Variants in ATOSA observed in about 807,000 individuals in gnomAD.
ATOSA encodes the protein atos homolog protein A.
the ATOSA span, among the ~76,000 whole-genome samples, chr15:52,622,481 A>AGGCAC: frequency 6.6e-6 from 1 of 152,316 alleles, no homozygotes; most frequent in African/African-American, 2.4e-5. Flanking sequence ...ACCAGGTTCC[A>AGGCAC]GGCACTTTCG....
At chr15:52,610,777 G>A in the ATOSA span, among the ~76,000 whole-genome samples, 1 of 152,222 alleles carries the variant, frequency 6.6e-6, no homozygotes, top group Non-Finnish European at 1.5e-5. Context: ...CCAGTTAGCT[G>A]TTTAGCAGCC....
the ATOSA span, chr15:52,678,196 T>A: frequency 1.3e-6 from 1 of 749,324 alleles, no homozygotes; most frequent in Non-Finnish European, 2.2e-6. Flanking sequence ...TACTGTTAAG[T>A]TAGGCCTCTT....
the ATOSA span, among the ~76,000 whole-genome samples, chr15:52,666,040 T>A: frequency 2.0e-5 from 3 of 152,324 alleles, 1 homozygote; most frequent in Admixed American, 2.0e-4. Flanking sequence ...CACCCCGCCC[T>A]GGCACCCAAA....
At chr15:52,708,028 A>T in the ATOSA span, among the ~76,000 whole-genome samples, 4 of 152,152 alleles carry the variant, frequency 2.6e-5, no homozygotes, top group Non-Finnish European at 5.9e-5. Flanking sequence ...AGGCTTGGAG[A>T]TGGTTTTCCG....
the ATOSA span, among the ~76,000 whole-genome samples, chr15:52,614,847 C>CA: frequency 2.7e-3 from 376 of 140,458 alleles, 1 homozygote; most frequent in East Asian, 0.037. Context: ...GACTTTGTCT[C>CA]AAAAAAAAAA....
chr15:52,661,924 G>A, the ATOSA span, among the ~76,000 whole-genome samples: 1 of 81,542 alleles, frequency 1.2e-5, no homozygotes, highest in Non-Finnish European at 2.2e-5. Context: ...AATCTTACAA[G>A]CCAGGCCAAA....
the ATOSA span, chr15:52,609,745 T>A: frequency 6.2e-7 from 1 of 1,613,762 alleles, no homozygotes; most frequent in Non-Finnish European, 8.5e-7. Flanking sequence ...TCCAGAAACA[T>A]GTGAAGTGCT....
chr15:52,634,457 G>T, the ATOSA span, among the ~76,000 whole-genome samples: 5 of 151,774 alleles, frequency 3.3e-5, no homozygotes, highest in African/African-American at 1.2e-4. Flanking sequence ...GTAAATAGCG[G>T]ATTTAAGCCC....
At chr15:52,639,803 T>G in the ATOSA span, among the ~76,000 whole-genome samples, 15 of 152,130 alleles carry the variant, frequency 9.9e-5, no homozygotes, top group African/African-American at 3.6e-4. Flanking sequence ...CAGGCTGGAG[T>G]GCAATGGCAC....
the ATOSA span, among the ~76,000 whole-genome samples, chr15:52,684,352 T>C: frequency 1.3e-5 from 2 of 152,118 alleles, no homozygotes; most frequent in Admixed American, 6.6e-5. Context: ...CCGGGCAACA[T>C]AGGGAGACCA....
chr15:52,603,049 T>C, the ATOSA span, among the ~76,000 whole-genome samples: 1 of 152,188 alleles, frequency 6.6e-6, no homozygotes, highest in African/African-American at 2.4e-5. Context: ...TGACCAGAAG[T>C]CTGTGGTGCT....
At chr15:52,695,848 G>A in the ATOSA span, among the ~76,000 whole-genome samples, 1 of 152,286 alleles carries the variant, frequency 6.6e-6, no homozygotes, top group South Asian at 2.1e-4. Context: ...GCTACCTAGA[G>A]GAAGACTGTT....
chr15:52,611,030 GA>G, the ATOSA span: 6 of 1,325,660 alleles, frequency 4.5e-6, no homozygotes, highest in Non-Finnish European at 6.1e-6. Flanking sequence ...CTTACATTTA[GA>G]ATTGCAGGAA....
At chr15:52,675,322 T>C in the ATOSA span, among the ~76,000 whole-genome samples, 7 of 152,270 alleles carry the variant, frequency 4.6e-5, no homozygotes, top group African/African-American at 1.7e-4. Flanking sequence ...ATGGAGGCTG[T>C]AGGGAGCAGA....
chr15:52,682,583 C>A, the ATOSA span, among the ~76,000 whole-genome samples: 1 of 152,068 alleles, frequency 6.6e-6, no homozygotes, highest in Non-Finnish European at 1.5e-5. Context: ...CTTAAAAGAA[C>A]AACTCTATGA....
At chr15:52,655,315 C>A in the ATOSA span, among the ~76,000 whole-genome samples, 1 of 152,164 alleles carries the variant, frequency 6.6e-6, no homozygotes, top group South Asian at 2.1e-4. Context: ...CATTATACCT[C>A]AAAATTACCA....
At chr15:52,696,663 ATAAT>A in the ATOSA span, among the ~76,000 whole-genome samples, 15 of 152,226 alleles carry the variant, frequency 9.9e-5, no homozygotes, top group Admixed American at 5.9e-4. Flanking sequence ...TTTTCATAGC[ATAAT>A]TAAAGTTGAC....
the ATOSA span, among the ~76,000 whole-genome samples, chr15:52,662,482 G>C: frequency 1.3e-5 from 2 of 152,100 alleles, no homozygotes; most frequent in Non-Finnish European, 2.9e-5. Context: ...TAAAACAACA[G>C]ACATAGGGCC....
chr15:52,583,222 T>C, the ATOSA span, among the ~76,000 whole-genome samples: 1 of 152,208 alleles, frequency 6.6e-6, no homozygotes, highest in African/African-American at 2.4e-5. Flanking sequence ...GTGGAGATTA[T>C]AAAAGCTAAG....
Sources: allele counts gnomAD v4.1 joint callset (sites outside exome capture counted in the v4.1 genomes callset), GRCh38; gene constraint gnomAD v4.1.1; transcripts MANE v1.5; gene names NCBI Gene and HGNC (gene_info 2026-07-23, HGNC 2026-07-21).